Variants in USH2A observed in about 807,000 individuals in gnomAD.
USH2A encodes Usher syndrome 2A (autosomal recessive, mild).
A neutral mutation model predicts 538.9 loss-of-function variants in USH2A; 443 were observed. The ratio of observed to expected loss-of-function variants is 0.82; its 90% CI spans 0.76 to 0.89. USH2A has a LOEUF of 0.89. Ranked by LOEUF, USH2A falls within the 40% of genes least tolerant of loss-of-function variation. The pLI, the probability that USH2A is intolerant of heterozygous loss-of-function variation, is 0.00. For missense variants in USH2A, 6,633 were observed against 6,324.8 expected, an observed-to-expected ratio of 1.05 and a Z score of -1.65; for synonymous variants, 2,413 against 2,273.5, an observed-to-expected ratio of 1.06 and a Z score of -1.75.
intron 61 of USH2A, among the ~76,000 whole-genome samples, chr1:215,699,471 G>A (rs1017229997): frequency 2.6e-5 from 4 of 152,114 alleles, no homozygotes; most frequent in Non-Finnish European, 5.9e-5. Context: ...TTTTCCATTT[G>A]TTTGTGTCCT....
At chr1:215,983,899 G>A (rs1434520957) in intron 35 of USH2A, among the ~76,000 whole-genome samples, 1 of 152,152 alleles carries the variant, frequency 6.6e-6, no homozygotes, top group Non-Finnish European at 1.5e-5. Flanking sequence ...TAGAGGAAAG[G>A]GTGAGAACAA....
chr1:216,263,444 G>T (rs1406217465), intron 11 of USH2A, among the ~76,000 whole-genome samples: 4 of 151,994 alleles, frequency 2.6e-5, no homozygotes, highest in African/African-American at 9.7e-5. Flanking sequence ...TTTATACCAA[G>T]GATGTAGGAA....
Position 215,640,728 on chromosome 1 carries a change from T to A in USH2A, c.14798A>T (p.Gln4933Leu), listed in dbSNP as rs761954201. The A allele has an allele frequency of 6.2e-7, 1 of 1,612,708 alleles. No individual in the cohort carries two copies. Among genetic ancestry groups the A allele is most frequent in the Non-Finnish European group, 8.5e-7 (1 of 1,179,862 alleles). ...GTCCACCGAAAATGGGGCTCGGTAC[T>A]GAGGCACTGTGGGGAGAAAGTTGTA... ...ISFTTQKELP[Q>L]YRAPFSVDSN... is the part of the protein sequence containing the mutation. The change falls in exon 68 of 72, where the codon CAG becomes CTG. Residue 4933 changes from glutamine (Q) to leucine (L), a missense_variant. Gln to Leu is a moderately radical substitution (Grantham distance 113, BLOSUM62 -2). Coordinates refer to ENST00000307340, the MANE Select transcript of USH2A (RefSeq NM_206933.4).
chr1:216,159,150 T>A (rs1030060649), intron 21 of USH2A, among the ~76,000 whole-genome samples: 5 of 152,172 alleles, frequency 3.3e-5, no homozygotes, highest in Non-Finnish European at 7.4e-5. Flanking sequence ...AAAGATGGTT[T>A]ACTTCTTCTT....
At chr1:216,312,809 C>G (rs1302847380) in intron 9 of USH2A, among the ~76,000 whole-genome samples, 1 of 152,116 alleles carries the variant, frequency 6.6e-6, no homozygotes, top group Non-Finnish European at 1.5e-5. Flanking sequence ...TGCTCTCTCT[C>G]TTCAAACTGT....
rs750634479 is a variant in USH2A at position 215,888,514 on chromosome 1, C to T, written c.8135G>A (p.Ser2712Asn). Residue 2712 changes from serine to asparagine, a missense_variant, in exon 41 of 72, where the codon AGT becomes AAT. By Grantham distance (46) the Ser-to-Asn change is conservative. Coordinates refer to ENST00000307340, the MANE Select transcript of USH2A (RefSeq NM_206933.4). ...TCTTGTGGTAACTTCTACCCAAGCA[C>T]TGCTGTTTGTGCCTCCATGAAGAGT... The part of the protein sequence containing the change: ...MSTLHGGTNS[S>N]AWVEVTTRPS... The T allele has an allele frequency of 2.5e-6, 4 of 1,614,176 alleles. No individual in the cohort carries two copies. Among genetic ancestry groups the T allele is most frequent in the South Asian group, 1.1e-5 (1 of 91,084 alleles).
chr1:215,877,664 C>G, intron 43 of USH2A, 94 bp downstream of exon 43: 1 of 1,568,692 alleles, frequency 6.4e-7, no homozygotes, highest in Admixed American at 1.7e-5. Flanking sequence ...ACTGATAACA[C>G]GCTCACACAA....
intron 21 of USH2A, among the ~76,000 whole-genome samples, chr1:216,107,083 A>G (rs1005213833): frequency 9.2e-5 from 14 of 151,882 alleles, no homozygotes; most frequent in Non-Finnish European, 1.9e-4. Context: ...CATACTTTCC[A>G]TGTACATTTG....
At chr1:216,061,419 A>C (rs2031177598) in intron 30 of USH2A, among the ~76,000 whole-genome samples, 1 of 152,086 alleles carries the variant, frequency 6.6e-6, no homozygotes, top group South Asian at 2.1e-4. Flanking sequence ...TTTTATATAC[A>C]TTTAGTTTTT....
intron 26 of USH2A, among the ~76,000 whole-genome samples, chr1:216,078,569 T>C (rs908004861): frequency 6.6e-6 from 1 of 152,126 alleles, no homozygotes; most frequent in African/African-American, 2.4e-5. Flanking sequence ...AATGTTGTAT[T>C]GATGCAAACA....
chr1:215,974,520 G>T (rs1336836656), intron 35 of USH2A, among the ~76,000 whole-genome samples: 1 of 151,964 alleles, frequency 6.6e-6, no homozygotes, highest in Non-Finnish European at 1.5e-5. Context: ...AATCCTCAGG[G>T]TCTATTGTCA....
intron 13 of USH2A, among the ~76,000 whole-genome samples, chr1:216,240,513 C>A (rs2035916899): frequency 6.8e-6 from 1 of 147,988 alleles, no homozygotes; most frequent in Non-Finnish European, 1.5e-5. Flanking sequence ...TAAAAACTTC[C>A]AGGTCGTTAA....
chr1:216,370,376 GA>G (rs989308328), intron 3 of USH2A, among the ~76,000 whole-genome samples: 1 of 149,092 alleles, frequency 6.7e-6, no homozygotes, highest in Non-Finnish European at 1.5e-5. Context: ...AGAAAAAAAA[GA>G]AAAAAAGAAT....
At chr1:215,717,470 G>A (rs1025246209) in intron 61 of USH2A, among the ~76,000 whole-genome samples, 2 of 152,036 alleles carry the variant, frequency 1.3e-5, no homozygotes, top group Non-Finnish European at 2.9e-5. Context: ...GTCTTCCTAG[G>A]TTCTTGTAAC....
intron 32 of USH2A, among the ~76,000 whole-genome samples, chr1:216,020,311 T>A (rs1668818066): frequency 6.6e-6 from 1 of 152,192 alleles, no homozygotes; most frequent in Admixed American, 6.5e-5. Context: ...TGATTAACAT[T>A]TATTTATAGA....
chr1:216,342,986 A>G (rs968683856), intron 4 of USH2A, among the ~76,000 whole-genome samples: 2 of 152,028 alleles, frequency 1.3e-5, no homozygotes, highest in African/African-American at 2.4e-5. Context: ...GTATCCCAGA[A>G]CTTAAAGTGA....
At position 215,728,256 on chromosome 1, in the gene USH2A, G is replaced by C; in HGVS notation, c.11840C>G (p.Ser3947Cys). 1 of 1,614,070 alleles carries C rather than the reference G, an allele frequency of 6.2e-7. No homozygotes were observed. Reference sequence around the variant, plus strand: ...CCACAGACTCTCCACTGAACCCTTGGAGTTACAGGCTCTGACCCGATATTC... The same window carrying C: ...CCACAGACTCTCCACTGAACCCTTGCAGTTACAGGCTCTGACCCGATATTC... ...LYEYRVRACN[S>C]KGSVESLWSL... The change falls in exon 61 of 72, where the codon TCC becomes TGC. Residue 3947 changes from serine (S) to cysteine (C), a missense_variant. By Grantham distance (112) the Ser-to-Cys change is moderately radical (BLOSUM62 -1). Transcript: ENST00000307340.
chr1:215,727,880 C>T, intron 61 of USH2A, 150 bp downstream of exon 61: 1 of 894,980 alleles, frequency 1.1e-6, no homozygotes, highest in Non-Finnish European at 1.7e-6. Flanking sequence ...AGTATCTTAT[C>T]CCCGTGACTA....
chr1:215,999,946 C>T (rs1668227819), intron 33 of USH2A, among the ~76,000 whole-genome samples: 1 of 152,028 alleles, frequency 6.6e-6, no homozygotes, highest in Non-Finnish European at 1.5e-5. Flanking sequence ...CACCTTATAC[C>T]TCAGGTATCA....
Sources: allele counts gnomAD v4.1 joint callset (sites outside exome capture counted in the v4.1 genomes callset), GRCh38; gene constraint gnomAD v4.1.1; transcripts MANE v1.5; gene names NCBI Gene and HGNC (gene_info 2026-07-23, HGNC 2026-07-21).